PTPRT: variants seen among roughly 807,000 people sequenced by gnomAD.
The protein encoded by PTPRT is receptor-type tyrosine-protein phosphatase T.
PTPRT carries 56 observed loss-of-function variants against 176.8 expected under a neutral mutation model. The observed-to-expected ratio is 0.32, with a 90% CI of 0.26 to 0.40. The LOEUF (loss-of-function observed/expected upper bound fraction) is 0.40. Among genes scored for constraint, PTPRT ranks in the 10% least tolerant of loss-of-function variants. The pLI is 1.00. For missense variants in PTPRT, 1,540 were observed against 1,908.2 expected (o/e 0.81, Z 3.60); for synonymous variants, 783 against 739.0 (o/e 1.06, Z -0.96).
At chr20:42,192,578 T>A (rs184700146) in intron 16 of PTPRT, among the ~76,000 whole-genome samples, 1 of 152,258 alleles carries the variant, frequency 6.6e-6, no homozygotes, top group East Asian at 1.9e-4. Context: ...AGAAAATACC[T>A]CTTAAGGTGA....
At chr20:42,103,986 C>T (rs144720930) in intron 25 of PTPRT, among the ~76,000 whole-genome samples, 113 of 152,298 alleles carry the variant, frequency 7.4e-4, no homozygotes, top group African/African-American at 2.6e-3. Context: ...CCAAAGAAAA[C>T]CCCACAAATG....
intron 7 of PTPRT, among the ~76,000 whole-genome samples, chr20:42,607,242 GAA>G (rs1409741663): frequency 6.6e-6 from 1 of 152,106 alleles, no homozygotes; most frequent in East Asian, 1.9e-4. Context: ...CATTTTGCAA[GAA>G]AAAGAGTTTT....
At chr20:42,037,280 C>T in the PTPRT span, among the ~76,000 whole-genome samples, 183 of 152,328 alleles carry the variant, frequency 1.2e-3, no homozygotes, top group African/African-American at 4.3e-3. Context: ...TGTGAACCTG[C>T]TGCTGACAGC....
At chr20:42,588,877 A>G (rs114057515) in intron 7 of PTPRT, among the ~76,000 whole-genome samples, 2,951 of 152,290 alleles carry the variant, frequency 0.019, 86 homozygotes, top group African/African-American at 0.057. Context: ...CTCTGAAGGT[A>G]GGCCCTACTA....
At chr20:42,959,450 G>A (rs1053415879) in intron 1 of PTPRT, among the ~76,000 whole-genome samples, 1 of 152,196 alleles carries the variant, frequency 6.6e-6, no homozygotes, top group Non-Finnish European at 1.5e-5. Context: ...CAGGGACTGA[G>A]ACCCGTACTT....
intron 2 of PTPRT, among the ~76,000 whole-genome samples, chr20:42,852,711 TC>T (rs1440868861): frequency 6.6e-6 from 1 of 152,142 alleles, no homozygotes; most frequent in Non-Finnish European, 1.5e-5. Flanking sequence ...CCTAGATACC[TC>T]CTCTATTTCA....
intron 18 of PTPRT, among the ~76,000 whole-genome samples, chr20:42,141,565 T>C (rs1988630420): frequency 6.6e-6 from 1 of 152,212 alleles, no homozygotes; most frequent in African/African-American, 2.4e-5. Context: ...CTGTGGGGTC[T>C]TCCGCATGTC....
At chr20:42,903,314 G>C (rs1176908215) in intron 1 of PTPRT, among the ~76,000 whole-genome samples, 1 of 151,580 alleles carries the variant, frequency 6.6e-6, no homozygotes, top group Non-Finnish European at 1.5e-5. Flanking sequence ...TGTGGATTCT[G>C]ACTGTTTTCC....
At chr20:42,060,372 G>A in the PTPRT span, among the ~76,000 whole-genome samples, 1 of 152,156 alleles carries the variant, frequency 6.6e-6, no homozygotes, top group Non-Finnish European at 1.5e-5. Flanking sequence ...ACTGGGATGA[G>A]GGGGAAAGGA....
intron 6 of PTPRT, among the ~76,000 whole-genome samples, chr20:42,729,807 C>T (rs1569117104): frequency 6.6e-6 from 1 of 152,028 alleles, no homozygotes; most frequent in Non-Finnish European, 1.5e-5. Flanking sequence ...CCTGATTTCC[C>T]CATGGCTACC....
chr20:43,042,963 T>G (rs1986681098), intron 1 of PTPRT, among the ~76,000 whole-genome samples: 1 of 152,158 alleles, frequency 6.6e-6, no homozygotes, highest in Non-Finnish European at 1.5e-5. Context: ...CAATTTTCAG[T>G]GCCAAGTATC....
At chr20:42,844,709 A>G (rs2078338432) in intron 2 of PTPRT, among the ~76,000 whole-genome samples, 1 of 152,120 alleles carries the variant, frequency 6.6e-6, no homozygotes, top group Non-Finnish European at 1.5e-5. Flanking sequence ...CACCAAAAAT[A>G]CAAAGTCCTT....
chr20:42,538,256 A>G (rs1269923110), intron 7 of PTPRT, among the ~76,000 whole-genome samples: 1 of 152,168 alleles, frequency 6.6e-6, no homozygotes, highest in Non-Finnish European at 1.5e-5. Context: ...TCCCAACAAA[A>G]GGTTCCAAGC....
At chr20:42,332,209 C>T (rs1159662753) in intron 11 of PTPRT, among the ~76,000 whole-genome samples, 2 of 151,900 alleles carry the variant, frequency 1.3e-5, no homozygotes, top group Admixed American at 1.3e-4. Flanking sequence ...AAGAAAAAAA[C>T]ATTTTTTTTC....
intron 6 of PTPRT, among the ~76,000 whole-genome samples, chr20:42,684,384 A>G (rs149674669): frequency 2.6e-4 from 39 of 152,258 alleles, no homozygotes; most frequent in Middle Eastern, 3.4e-3. Context: ...AACCAAACAT[A>G]CAGCCAGTGG....
intron 7 of PTPRT, among the ~76,000 whole-genome samples, chr20:42,664,281 T>C (rs1394614521): frequency 6.6e-6 from 1 of 152,210 alleles, no homozygotes; most frequent in Non-Finnish European, 1.5e-5. Context: ...ATATTTTATC[T>C]CCCTTTTCTC....
intron 5 of PTPRT, among the ~76,000 whole-genome samples, chr20:42,764,879 A>G (rs751242978): frequency 6.6e-6 from 1 of 152,214 alleles, no homozygotes; most frequent in African/African-American, 2.4e-5. Context: ...TGCCTGGTTC[A>G]GATGCAGGCA....
At chr20:42,827,654 CAT>C (rs1219706422) in intron 2 of PTPRT, among the ~76,000 whole-genome samples, 3 of 152,184 alleles carry the variant, frequency 2.0e-5, no homozygotes, top group South Asian at 2.1e-4. Context: ...ATAATCCCCA[CAT>C]GTCATGGGAG....
intron 12 of PTPRT, among the ~76,000 whole-genome samples, chr20:42,294,260 G>T (rs190836234): frequency 2.9e-4 from 44 of 152,192 alleles, no homozygotes; most frequent in African/African-American, 1.0e-3. Context: ...ATTCCTGGTA[G>T]ATCAAAACTA....
Sources: allele counts gnomAD v4.1 joint callset (sites outside exome capture counted in the v4.1 genomes callset), GRCh38; gene constraint gnomAD v4.1.1; transcripts MANE v1.5; gene names NCBI Gene and HGNC (gene_info 2026-07-23, HGNC 2026-07-21).